KLF7: variants seen among roughly 807,000 people sequenced by gnomAD.
KLF7 encodes KLF transcription factor 7, also known as Krueppel-like factor 7.
In KLF7, 2 loss-of-function variants were observed where a neutral mutation model predicts 27.3. That is an observed-to-expected ratio of 0.07 (90% confidence interval 0.03 to 0.23). The LOEUF (loss-of-function observed/expected upper bound fraction) is 0.23, where lower values mean the gene tolerates loss of function less well. Among genes scored for constraint, KLF7 ranks in the 10% least tolerant of loss-of-function variants. The probability of loss-of-function intolerance (pLI) is 1.00; values close to 1 mark genes in which losing one functional copy is unlikely to be tolerated. For synonymous variants in KLF7, 165 were observed against 162.4 expected (o/e 1.02, Z -0.12); for missense variants, 221 against 394.1 (o/e 0.56, Z 3.72).
rs532527898 is a variant in KLF7 at position 207,113,607 on chromosome 2, T to TGGGG, written c.733+10163_733+10166dup. Among the ~76,000 whole-genome samples the TGGGG allele has an allele frequency of 8.1e-4, 52 of 64,476 alleles. 1 individual carries two copies. Among genetic ancestry groups the TGGGG allele is most frequent in the Non-Finnish European group, 1.3e-3 (43 of 32,510 alleles). 42.3% of individuals were successfully genotyped at this position (64,476 alleles called of 152,430 possible). On this transcript the variant is annotated intron_variant, in intron 2 of 3. Coordinates refer to ENST00000309446, the MANE Select transcript of KLF7 (RefSeq NM_003709.4). ...CCAGAATACAAAGTGGAATGGGGGGTGGGGGGGGGGGGGAAATGATGCAGT... is the reference window on the plus strand; with the variant it reads ...CCAGAATACAAAGTGGAATGGGGGGTGGGGGGGGGGGGGGGGGAAATGATGCAGT...
intron 1 of KLF7, among the ~76,000 whole-genome samples, chr2:207,133,872 CAAAT>C (rs760370163): frequency 6.6e-6 from 1 of 152,136 alleles, no homozygotes; most frequent in Non-Finnish European, 1.5e-5. Context: ...CCAAAGGAAA[CAAAT>C]AAACATTAAT....
intron 2 of KLF7, among the ~76,000 whole-genome samples, chr2:207,114,436 A>C (rs2077122617): frequency 6.6e-6 from 1 of 152,226 alleles, no homozygotes; most frequent in Admixed American, 6.5e-5. Flanking sequence ...CCATGAGATG[A>C]CATTAAACTA....
intron 2 of KLF7, among the ~76,000 whole-genome samples, chr2:207,104,683 T>C (rs534342082): frequency 1.3e-5 from 2 of 152,350 alleles, no homozygotes. Flanking sequence ...CCAACTTATA[T>C]GTGGTACAGT....
Position 207,123,990 on chromosome 2 carries a change from G to A in KLF7, c.517C>T (p.Leu173Phe). The A allele has an allele frequency of 6.2e-7, 1 of 1,614,212 alleles. No homozygotes were observed. The highest frequency in any genetic ancestry group is 2.2e-5 in the East Asian group (1 of 44,876). The change falls in exon 2 of 4, where the codon CTC (leucine) becomes TTC (phenylalanine). Residue 173 changes from leucine (L) to phenylalanine (F), a missense_variant. Physicochemically the swap from Leu to Phe is conservative, Grantham distance 22. Coordinates refer to ENST00000309446, the MANE Select transcript of KLF7 (RefSeq NM_003709.4). Reference sequence around the variant, plus strand: ...ACCCCTCCCACCTTTACGGAGCTGAGAGCAGCCTTCTTGGCCACCAGTTTC... The same window carrying A: ...ACCCCTCCCACCTTTACGGAGCTGAAAGCAGCCTTCTTGGCCACCAGTTTC... ...TLKLVAKKAA[L>F]SSVKVGGVAT...
Position 207,165,844 on chromosome 2 carries a change from G to A in KLF7, c.-276C>T, listed in dbSNP as rs1329027191. On this transcript the variant is annotated 5_prime_UTR_variant, in exon 1 of 4. Transcript: ENST00000309446. ...CCAGGAAAAGGGGACTTCTCCACGG[G>A]AGTAACAATTCCCTTCCAGGGCTCT... 5.4e-6 allele frequency: 7 copies of A among 1,299,828 alleles called. No individual in the cohort carries two copies. Among genetic ancestry groups the A allele is most frequent in the Non-Finnish European group, 6.9e-6 (7 of 1,018,924 alleles). 80.5% of individuals were successfully genotyped at this position (1,299,828 alleles called of 1,614,324 possible).
Position 207,078,503 on chromosome 2 carries a change from A to T in KLF7, c.*2710T>A, listed in dbSNP as rs2076214085. ...TTTTTAATAGAGCCTTGCATTGGTCAGTTCGAAAATTAAATTAAGTATTAT... is the reference window on the plus strand; with the variant it reads ...TTTTTAATAGAGCCTTGCATTGGTCTGTTCGAAAATTAAATTAAGTATTAT... On this transcript the variant is annotated 3_prime_UTR_variant, in exon 4 of 4. Coordinates refer to ENST00000309446, the MANE Select transcript of KLF7 (RefSeq NM_003709.4). The T allele has an allele frequency of 6.6e-6, 1 of 152,266 alleles. No homozygotes were observed. The highest frequency in any genetic ancestry group is 1.5e-5 in the Non-Finnish European group (1 of 68,052). 9.4% of individuals were successfully genotyped at this position (152,266 alleles called of 1,614,324 possible).
chr2:207,158,692 T>C (rs1233901577), intron 1 of KLF7, among the ~76,000 whole-genome samples: 5 of 152,188 alleles, frequency 3.3e-5, no homozygotes, highest in African/African-American at 4.8e-5. Flanking sequence ...TTAGCACACA[T>C]TAAAAGTGGA....
chr2:207,140,289 T>C (rs2077904533), intron 1 of KLF7, among the ~76,000 whole-genome samples: 1 of 152,214 alleles, frequency 6.6e-6, no homozygotes, highest in African/African-American at 2.4e-5. Context: ...CTCAAATTTA[T>C]ATAATTTTTA....
rs1346608127 is a variant in KLF7, at chr2:207,082,831, TAAAAC to T, written c.858-1572_858-1568del. Among the ~76,000 whole-genome samples, 12 of 152,278 alleles carry T rather than the reference TAAAAC, an allele frequency of 7.9e-5. 1 individual carries two copies. The East Asian group carries it at 1.5e-3, about 20-fold the overall frequency. ...GGATTTCCCTATGTTTGTTCATTCT[TAAAAC>T]AAACAAAAAATATCCACCCTTTCCC... On this transcript the variant is annotated intron_variant, in intron 3 of 3. Transcript: ENST00000309446.
chr2:207,156,872 C>T (rs2078396607), intron 1 of KLF7, among the ~76,000 whole-genome samples: 1 of 152,100 alleles, frequency 6.6e-6, no homozygotes, highest in Non-Finnish European at 1.5e-5. Flanking sequence ...AGCAGGTAAC[C>T]CCAACTCTGA....
At chr2:207,120,487 C>T (rs1214242646) in intron 2 of KLF7, among the ~76,000 whole-genome samples, 1 of 152,216 alleles carries the variant, frequency 6.6e-6, no homozygotes, top group Non-Finnish European at 1.5e-5. Context: ...CAGCATATAT[C>T]TGCAACTCTA....
At chr2:207,083,813 G>A (rs1395716293) in intron 3 of KLF7, among the ~76,000 whole-genome samples, 8 of 152,320 alleles carry the variant, frequency 5.3e-5, no homozygotes, top group African/African-American at 1.9e-4. Context: ...GGAATTGATA[G>A]AACCAGAGAG....
chr2:207,163,143 A>T (rs529838497), intron 1 of KLF7, among the ~76,000 whole-genome samples: 3 of 152,244 alleles, frequency 2.0e-5, no homozygotes, highest in Non-Finnish European at 4.4e-5. Flanking sequence ...CTATGGTCCT[A>T]GTCGCCTTTA....
intron 2 of KLF7, among the ~76,000 whole-genome samples, chr2:207,090,836 G>A (rs1368058038): frequency 1.3e-5 from 2 of 152,132 alleles, no homozygotes. Context: ...TGTATTTAAT[G>A]CTGCTGATCA....
chr2:207,104,720 C>T (rs1259591102), intron 2 of KLF7, among the ~76,000 whole-genome samples: 1 of 152,196 alleles, frequency 6.6e-6, no homozygotes, highest in Non-Finnish European at 1.5e-5. Context: ...GCCATCTTAC[C>T]TTCAGAATTC....
chr2:207,113,608 G>GGGC (rs1553526405), intron 2 of KLF7, among the ~76,000 whole-genome samples: 1 of 22,070 alleles, frequency 4.5e-5, no homozygotes, highest in South Asian at 2.9e-3. Context: ...AATGGGGGGT[G>GGGC]GGGGGGGGGG....
At chr2:207,117,138 C>T (rs776969287) in intron 2 of KLF7, among the ~76,000 whole-genome samples, 3 of 152,112 alleles carry the variant, frequency 2.0e-5, no homozygotes, top group East Asian at 1.9e-4. Flanking sequence ...CTGGAATAGG[C>T]GTCCCACAAA....
intron 1 of KLF7, among the ~76,000 whole-genome samples, chr2:207,152,657 G>A (rs1411652982): frequency 3.9e-5 from 6 of 152,142 alleles, no homozygotes; most frequent in Non-Finnish European, 8.8e-5. Context: ...TTTGGAAATT[G>A]CTTTATAAAA....
At chr2:207,134,160 T>TTTTTA in intron 1 of KLF7, 1 of 1,475,314 alleles carries the variant, frequency 6.8e-7, no homozygotes, top group Non-Finnish European at 8.9e-7. Flanking sequence ...TGGGATTTTT[T>TTTTTA]TTTTTTTTTT....
Sources: allele counts gnomAD v4.1 joint callset (sites outside exome capture counted in the v4.1 genomes callset), GRCh38; gene constraint gnomAD v4.1.1; transcripts MANE v1.5; gene names NCBI Gene and HGNC (gene_info 2026-07-23, HGNC 2026-07-21).